The following WDPCP variants were observed in gnomAD, a reference collection of about 807,000 sequenced individuals.
The protein encoded by WDPCP is WD repeat-containing and planar cell polarity effector protein fritz homolog.
WDPCP carries 71 observed loss-of-function variants against 93.1 expected under a neutral mutation model. The observed-to-expected ratio is 0.76, with a 90% confidence interval of 0.63 to 0.93. The LOEUF is 0.93. Among genes scored for constraint, WDPCP ranks in the 40% least tolerant of loss-of-function variants. WDPCP has a pLI of 0.00. For missense variants in WDPCP, 844 were observed against 887.4 expected (o/e 0.95, Z 0.62); for synonymous variants, 315 against 315.0 (o/e 1.00, Z 0.00).
the WDPCP span, among the ~76,000 whole-genome samples, chr2:63,835,826 C>G: frequency 1.3e-5 from 2 of 152,076 alleles, no homozygotes; most frequent in Admixed American, 1.3e-4. Context: ...AATCTTCACC[C>G]AAAAAGCAGT....
At chr2:63,536,402 C>T (rs1358421447) in intron 1 of WDPCP, among the ~76,000 whole-genome samples, 1 of 152,198 alleles carries the variant, frequency 6.6e-6, no homozygotes, top group East Asian at 1.9e-4. Context: ...TATAAAGACA[C>T]ATGCACACGT....
At chr2:63,416,766 C>T (rs1416499448) in intron 9 of WDPCP, among the ~76,000 whole-genome samples, 2 of 152,150 alleles carry the variant, frequency 1.3e-5, no homozygotes, top group African/African-American at 2.4e-5. Context: ...TCGTGATCTG[C>T]CCACCTTGGC....
intron 12 of WDPCP, among the ~76,000 whole-genome samples, chr2:63,361,273 A>G (rs1167816330): frequency 1.3e-5 from 2 of 152,204 alleles, no homozygotes; most frequent in African/African-American, 2.4e-5. Flanking sequence ...TGGATCAAAC[A>G]AGAAATCAAG....
intron 15 of WDPCP, among the ~76,000 whole-genome samples, chr2:63,161,773 T>C (rs116102326): frequency 6.6e-6 from 1 of 151,740 alleles, no homozygotes; most frequent in African/African-American, 2.4e-5. Flanking sequence ...TTTTCTTTTT[T>C]TTTTTTTTGA....
chr2:63,607,151 G>A (rs1369882942), intron 3 of WDPCP: 9 of 537,260 alleles, frequency 1.7e-5, no homozygotes, highest in East Asian at 7.1e-5. Context: ...ACAGTTTATC[G>A]TCATGCTGTT....
rs958125583 is a variant in WDPCP at position 63,686,397 on chromosome 2, C to T, written n.309-35559G>A. Among the ~76,000 whole-genome samples, 12 of 152,234 alleles carry T rather than the reference C, an allele frequency of 7.9e-5. No individual in the cohort carries two copies. The East Asian group carries it at 2.1e-3, about 27-fold the overall frequency. On this transcript the variant is annotated intron_variant and non_coding_transcript_variant, in intron 2 of 4. Coordinates refer to the WDPCP transcript ENST00000467687. ...TTACTTAACCAAAAAAGGGAAAGAT[C>T]TCTGCAATGAACGCTATAAAACACT... is the stretch of plus-strand genomic sequence containing the variant.
chr2:63,622,667 G>A, intron 3 of WDPCP: 1 of 1,613,922 alleles, frequency 6.2e-7, no homozygotes. Context: ...TCTTGGTCAG[G>A]AGTCGCCGGG....
At chr2:63,188,506 T>G (rs1195589024) in intron 14 of WDPCP, among the ~76,000 whole-genome samples, 2 of 149,834 alleles carry the variant, frequency 1.3e-5, no homozygotes, top group Admixed American at 6.7e-5. Context: ...TTTATTTTTG[T>G]TTTTTTTTCA....
intron 2 of WDPCP, among the ~76,000 whole-genome samples, chr2:63,679,211 C>A (rs1187330188): frequency 3.9e-5 from 6 of 152,092 alleles, no homozygotes; most frequent in Non-Finnish European, 8.8e-5. Flanking sequence ...GGGAGTCATC[C>A]CTTCCCTCAG....
intron 1 of WDPCP, among the ~76,000 whole-genome samples, chr2:63,517,072 A>T (rs965861210): frequency 6.6e-6 from 1 of 152,108 alleles, no homozygotes; most frequent in Admixed American, 6.5e-5. Flanking sequence ...TCTTCTTCTA[A>T]ACTACATCCT....
At chr2:63,545,042 A>G (rs939879580) in intron 1 of WDPCP, among the ~76,000 whole-genome samples, 3 of 152,154 alleles carry the variant, frequency 2.0e-5, no homozygotes, top group Non-Finnish European at 4.4e-5. Context: ...AAAAAGAGGA[A>G]TTCAGGCAAA....
At chr2:63,682,140 CA>C (rs919779702) in intron 2 of WDPCP, among the ~76,000 whole-genome samples, 1 of 152,252 alleles carries the variant, frequency 6.6e-6, no homozygotes, top group African/African-American at 2.4e-5. Flanking sequence ...CAGACATCCA[CA>C]AGCATCAAGA....
intron 1 of WDPCP, among the ~76,000 whole-genome samples, chr2:63,824,750 T>C (rs926259382): frequency 2.6e-5 from 4 of 152,016 alleles, no homozygotes; most frequent in Admixed American, 2.6e-4. Flanking sequence ...TCTTTTTGTA[T>C]TTACAGTTTT....
chr2:63,366,121 TGA>T (rs1222944245), intron 12 of WDPCP, among the ~76,000 whole-genome samples: 2 of 152,170 alleles, frequency 1.3e-5, no homozygotes, highest in African/African-American at 4.8e-5. Flanking sequence ...AAATCCAGGA[TGA>T]CTCTCTTACT....
At chr2:63,363,740 A>ATT (rs34106060) in intron 12 of WDPCP, among the ~76,000 whole-genome samples, 11 of 152,142 alleles carry the variant, frequency 7.2e-5, no homozygotes, top group South Asian at 2.1e-4. Flanking sequence ...GGAAGAATAT[A>ATT]TTTTTTTAAC....
chr2:63,484,890 C>T, intron 5 of WDPCP, 27 bp downstream of exon 5: 1 of 1,609,930 alleles, frequency 6.2e-7, no homozygotes, highest in South Asian at 1.1e-5. Context: ...TTGTTTGTTG[C>T]CATTTTTGAA....
intron 2 of WDPCP, among the ~76,000 whole-genome samples, chr2:63,487,696 T>A (rs1700649853): frequency 6.6e-6 from 1 of 152,058 alleles, no homozygotes; most frequent in Non-Finnish European, 1.5e-5. Flanking sequence ...TTTATCAATC[T>A]AATGAGAAAA....
intron 13 of WDPCP, among the ~76,000 whole-genome samples, chr2:63,269,500 T>C (rs2104845546): frequency 6.6e-6 from 1 of 152,274 alleles, no homozygotes; most frequent in African/African-American, 2.4e-5. Flanking sequence ...AGAAGACTTC[T>C]GAATGTGCTA....
intron 17 of WDPCP, among the ~76,000 whole-genome samples, chr2:63,123,626 C>T (rs1362163566): frequency 6.6e-6 from 1 of 152,024 alleles, no homozygotes; most frequent in African/African-American, 2.4e-5. Flanking sequence ...ATAACCTTGA[C>T]TTATACTCTA....
Sources: allele counts gnomAD v4.1 joint callset (sites outside exome capture counted in the v4.1 genomes callset), GRCh38; gene constraint gnomAD v4.1.1; transcripts MANE v1.5; gene names NCBI Gene and HGNC (gene_info 2026-07-23, HGNC 2026-07-21).